The following GPATCH8 variants were observed in gnomAD, a reference collection of about 807,000 sequenced individuals.
GPATCH8 encodes G-patch domain containing 8.
Under a neutral mutation model 118.3 loss-of-function variants are expected in GPATCH8, and 18 were observed. The observed-to-expected ratio is 0.15, with a 90% confidence interval of 0.11 to 0.23. The LOEUF (loss-of-function observed/expected upper bound fraction) is 0.23, where lower values mean the gene tolerates loss of function less well. Among genes scored for constraint, GPATCH8 ranks in the 10% least tolerant of loss-of-function variants. GPATCH8 has a pLI of 1.00. For synonymous variants in GPATCH8, 659 were observed against 684.7 expected, an observed-to-expected ratio of 0.96 and a Z score of 0.59; for missense variants, 1,631 against 1,873.8, an observed-to-expected ratio of 0.87 and a Z score of 2.39.
At chr17:44,468,588 A>C (rs2144334298) in intron 2 of GPATCH8, among the ~76,000 whole-genome samples, 1 of 151,900 alleles carries the variant, frequency 6.6e-6, no homozygotes, top group East Asian at 1.9e-4. Context: ...TTTTAAAAAT[A>C]ATTTTAAAAA....
chr17:44,495,422 C>CT (rs1293866265), intron 1 of GPATCH8, among the ~76,000 whole-genome samples: 1 of 152,190 alleles, frequency 6.6e-6, no homozygotes, highest in African/African-American at 2.4e-5. Context: ...ATTAGCTATA[C>CT]TGTTTTTCTG....
chr17:44,452,313 A>C (rs1024689491), intron 3 of GPATCH8, among the ~76,000 whole-genome samples: 3 of 151,380 alleles, frequency 2.0e-5, no homozygotes, highest in Non-Finnish European at 2.9e-5. Context: ...AGGAAAAAAG[A>C]TCTTGGGCAA....
At chr17:44,499,508 G>A (rs576003418) in intron 1 of GPATCH8, among the ~76,000 whole-genome samples, 36 of 152,184 alleles carry the variant, frequency 2.4e-4, no homozygotes, top group Middle Eastern at 6.8e-3. Flanking sequence ...GAGAACACTC[G>A]GAACACGAAT....
In GPATCH8 at chr17:44,421,041, G is replaced by A. The variant is rs1205920337; in HGVS notation, c.492+3308C>T. Among the ~76,000 whole-genome samples the A allele has an allele frequency of 3.3e-5, 5 of 152,016 alleles. No individual in the cohort carries two copies. The South Asian group carries it at 1.0e-3, about 32-fold the overall frequency. ...AATTTTTTTTATTTTTAGTAGAGAC[G>A]GGGTTTCACCAAGTTGGACAGGCTG... is the stretch of plus-strand genomic sequence containing the variant. On this transcript the variant is annotated intron_variant, in intron 6 of 7. Coordinates refer to ENST00000591680, the MANE Select transcript of GPATCH8 (RefSeq NM_001002909.4).
At chr17:44,428,833 G>A (rs1234418441) in intron 5 of GPATCH8, among the ~76,000 whole-genome samples, 1 of 151,178 alleles carries the variant, frequency 6.6e-6, no homozygotes, top group Non-Finnish European at 1.5e-5. Context: ...CAAATAAACA[G>A]TACTCATAGA....
chr17:44,401,097 G>C lies in GPATCH8; in HGVS notation c.980C>G (p.Thr327Ser), dbSNP rs1567936130. ...ATCGGGTTTTGTTCCATCTTCAGAG[G>C]TCCCTTCCTCCGCATGGTCCTTGAA... ...SVFKDHAEEGTSEDGTKPDEK... is the reference protein window; with the variant it reads ...SVFKDHAEEGSSEDGTKPDEK... The change falls in exon 8 of 8, where the codon ACC (threonine) becomes AGC (serine). Residue 327 changes from threonine (T) to serine (S), a missense_variant. Coordinates refer to ENST00000591680, the MANE Select transcript of GPATCH8 (RefSeq NM_001002909.4). 6.2e-7 allele frequency: 1 copy of C among 1,614,076 alleles called. No individual in the cohort carries two copies. Among genetic ancestry groups the C allele is most frequent in the Admixed American group, 1.7e-5 (1 of 60,018 alleles).
chr17:44,419,280 A>G (rs1422153959), intron 6 of GPATCH8, among the ~76,000 whole-genome samples: 1 of 152,226 alleles, frequency 6.6e-6, no homozygotes, highest in Non-Finnish European at 1.5e-5. Context: ...CTTACCTATT[A>G]TCTCAGATTC....
chr17:44,422,918 T>C (rs2049963342), intron 6 of GPATCH8, among the ~76,000 whole-genome samples: 1 of 152,136 alleles, frequency 6.6e-6, no homozygotes, highest in Non-Finnish European at 1.5e-5. Context: ...CTTGTCTATA[T>C]ATATATGCTC....
chr17:44,398,583 C>G lies in GPATCH8; in HGVS notation c.3494G>C (p.Gly1165Ala). ...RKPNKKCEES[G>A]LERGEEQEQS... Reference sequence around the variant, plus strand: ...TTCTTGCTCTTCCCCCCTTTCCAAGCCAGACTCTTCACACTTCTTATTGGG... The same window carrying G: ...TTCTTGCTCTTCCCCCCTTTCCAAGGCAGACTCTTCACACTTCTTATTGGG... Residue 1165 changes from glycine to alanine, a missense_variant, in exon 8 of 8, where the codon GGC becomes GCC. Gly to Ala is a moderately conservative substitution (Grantham distance 60, BLOSUM62 0). Around this residue, in one of 8 missense-constraint regions of GPATCH8, gnomAD observed 922 missense variants for 879.7 expected, o/e 1.05. Coordinates refer to ENST00000591680, the MANE Select transcript of GPATCH8 (RefSeq NM_001002909.4). 2 of 1,561,328 alleles carry G rather than the reference C, an allele frequency of 1.3e-6. No homozygotes were observed. Among genetic ancestry groups the G allele is most frequent in the Non-Finnish European group, 1.7e-6 (2 of 1,158,454 alleles).
intron 3 of GPATCH8, among the ~76,000 whole-genome samples, chr17:44,461,689 CTG>C (rs781336687): frequency 2.8e-4 from 42 of 151,872 alleles, no homozygotes; most frequent in Non-Finnish European, 5.2e-4. Flanking sequence ...AAATTCTAAA[CTG>C]TTTTTTTTTC....
At chr17:44,499,192 C>T (rs1296803842) in intron 1 of GPATCH8, among the ~76,000 whole-genome samples, 1 of 152,114 alleles carries the variant, frequency 6.6e-6, no homozygotes, top group African/African-American at 2.4e-5. Flanking sequence ...GAGGGCCAGG[C>T]GCGGTGGCTC....
Position 44,400,163 on chromosome 17 carries a change from G to C in GPATCH8, c.1914C>G (p.Ala638=). 1 of 1,614,028 alleles carries C rather than the reference G, an allele frequency of 6.2e-7. No individual in the cohort carries two copies. The highest frequency in any genetic ancestry group is 8.5e-7 in the Non-Finnish European group (1 of 1,180,000). ...GCTCCTGCTTGTTCAGGCCGCTACA[G>C]GCAGACCCTGAAGCAGGTGCGTCCA... ...GRMDAPASGS[A]CSGLNKQEPG... The change falls in exon 8 of 8, where the codon GCC becomes GCG. Residue 638 remains alanine (A), a synonymous_variant. Coordinates refer to ENST00000591680, the MANE Select transcript of GPATCH8 (RefSeq NM_001002909.4).
At chr17:44,438,747 A>T in intron 3 of GPATCH8, 1 of 152,738 alleles carries the variant, frequency 6.5e-6, no homozygotes, top group Non-Finnish European at 1.5e-5. Flanking sequence ...TGTTAGGCAG[A>T]AACCATTAGG....
chr17:44,450,854 G>A (rs1171859334), intron 3 of GPATCH8, among the ~76,000 whole-genome samples: 1 of 152,126 alleles, frequency 6.6e-6, no homozygotes, highest in African/African-American at 2.4e-5. Flanking sequence ...TAGATGCACA[G>A]ATAGAAAATA....
chr17:44,454,862 A>G (rs1203316197), intron 3 of GPATCH8, among the ~76,000 whole-genome samples: 1 of 152,224 alleles, frequency 6.6e-6, no homozygotes, highest in African/African-American at 2.4e-5. Flanking sequence ...TACAAGCTCT[A>G]TATTTTATTT....
At chr17:44,475,840 A>C (rs1220877712) in intron 1 of GPATCH8, among the ~76,000 whole-genome samples, 1 of 152,184 alleles carries the variant, frequency 6.6e-6, no homozygotes, top group Non-Finnish European at 1.5e-5. Context: ...AGCCTGGGCA[A>C]TACAGTGAGA....
chr17:44,398,823 T>C lies in GPATCH8; in HGVS notation c.3254A>G (p.Lys1085Arg). 1 of 1,614,064 alleles carries C rather than the reference T, an allele frequency of 6.2e-7. No individual in the cohort carries two copies. The highest frequency in any genetic ancestry group is 8.5e-7 in the Non-Finnish European group (1 of 1,179,914). ...TAGCAGTTTGGCAGTGACAGAGTTC[T>C]TGTCTTCAGGACTGCAGTCACCTTC... is the stretch of plus-strand genomic sequence containing the variant. ...GSEGDCSPED[K>R]NSVTAKLLLE... Residue 1085 changes from lysine (K) to arginine (R), a missense_variant, in exon 8 of 8, where the codon AAG (lysine) becomes AGG (arginine). Around this residue, in one of 8 missense-constraint regions of GPATCH8, gnomAD observed 922 missense variants for 879.7 expected, o/e 1.05. Coordinates refer to ENST00000591680, the MANE Select transcript of GPATCH8 (RefSeq NM_001002909.4).
At chr17:44,431,508 T>C (rs1177923643) in intron 5 of GPATCH8, among the ~76,000 whole-genome samples, 1 of 150,336 alleles carries the variant, frequency 6.7e-6, no homozygotes, top group Non-Finnish European at 1.5e-5. Context: ...GAGTAGAAAA[T>C]ACCTAAGTGT....
chr17:44,472,245 T>C (rs1967341133), intron 2 of GPATCH8, among the ~76,000 whole-genome samples: 1 of 152,198 alleles, frequency 6.6e-6, no homozygotes, highest in Admixed American at 6.6e-5. Flanking sequence ...GTGAAGAAGG[T>C]AGCACTACTT....
Sources: gnomAD v4.1 joint callset for allele counts (sites outside exome capture counted in the v4.1 genomes callset) on GRCh38, gnomAD v4.1.1 for gene constraint, gnomAD v4.1.1 regional missense constraint, MANE v1.5 for transcripts, NCBI Gene and HGNC (gene_info 2026-07-23, HGNC 2026-07-21) for gene names.